Variants in IQSEC1 observed in about 807,000 individuals in gnomAD.
IQSEC1 encodes IQ motif and SEC7 domain-containing protein 1.
IQSEC1 carries 31 observed loss-of-function variants against 91.0 expected under a neutral mutation model. That is an observed-to-expected ratio of 0.34 (90% confidence interval 0.26 to 0.46). The LOEUF (loss-of-function observed/expected upper bound fraction) is 0.46, where lower values mean the gene tolerates loss of function less well. Among genes scored for constraint, IQSEC1 ranks in the 20% least tolerant of loss-of-function variants. IQSEC1 has a pLI of 1.00. For missense variants in IQSEC1, 1,388 were observed against 1,575.6 expected (o/e 0.88, Z 2.02); for synonymous variants, 699 against 662.6 (o/e 1.05, Z -0.84).
At chr3:13,140,471 C>G (rs1157838284) in intron 2 of IQSEC1, among the ~76,000 whole-genome samples, 3 of 152,180 alleles carry the variant, frequency 2.0e-5, no homozygotes, top group Non-Finnish European at 4.4e-5. Flanking sequence ...ATAGGCCAGA[C>G]CATCCTTTCC....
chr3:12,919,707 T>C (rs1696434180), intron 6 of IQSEC1, among the ~76,000 whole-genome samples: 1 of 152,226 alleles, frequency 6.6e-6, no homozygotes, highest in African/African-American at 2.4e-5. Context: ...CCTCAGCTCT[T>C]GCAGCCAGGG....
Position 13,096,345 on chromosome 3 carries a change from G to A in IQSEC1, c.303-48823C>T, listed in dbSNP as rs553356487. Among the ~76,000 whole-genome samples, 10 of 152,388 alleles carry A rather than the reference G, an allele frequency of 6.6e-5. No homozygotes were observed. In the South Asian group the frequency reaches 1.9e-3, roughly 28 times the overall value. On this transcript the variant is annotated intron_variant, in intron 2 of 15. Coordinates refer to the IQSEC1 transcript ENST00000648114. ...TCTAAGTGATCTCAGGGCAGGGTCA[G>A]TGTTGTGAGAACCATCCATTCATTT... is the stretch of plus-strand genomic sequence containing the variant.
rs1456181824 is a variant in IQSEC1 at position 12,922,298 on chromosome 3, A to T, written c.1731-56T>A. 2 of 1,467,756 alleles carry T rather than the reference A, an allele frequency of 1.4e-6. No individual in the cohort carries two copies. Among genetic ancestry groups the T allele is most frequent in the Admixed American group, 4.2e-5 (2 of 47,482 alleles). The allele number at this position is 1,467,756 out of a possible 1,614,324, so 90.9% of individuals were successfully genotyped here. ...CACCCCTTGCAGGTGCGACACGCCC[A>T]GCCCACCCCCAGGTGGTGGTGCCTG... On this transcript the variant is annotated intron_variant, in intron 4 of 13. Transcript: ENST00000613206. This position sits in a 1 kb window ranked among gnomAD's most constrained non-coding sequence, Gnocchi z 5.1.
At chr3:13,219,496 G>A (rs537087783) in intron 1 of IQSEC1, among the ~76,000 whole-genome samples, 41 of 152,290 alleles carry the variant, frequency 2.7e-4, no homozygotes, top group Non-Finnish European at 3.8e-4. Flanking sequence ...CACCCCCGGC[G>A]GGAAGGCACA....
chr3:13,084,972 G>C (rs1026873947), intron 2 of IQSEC1, among the ~76,000 whole-genome samples: 1 of 151,872 alleles, frequency 6.6e-6, no homozygotes. Flanking sequence ...GGGGTGGGGT[G>C]GGGGGGCAAT....
At chr3:13,181,948 G>A (rs1693851294) in intron 1 of IQSEC1, among the ~76,000 whole-genome samples, 1 of 152,198 alleles carries the variant, frequency 6.6e-6, no homozygotes, top group African/African-American at 2.4e-5. Flanking sequence ...GTTCACTGCT[G>A]TGCCCCAGGA....
intron 1 of IQSEC1, among the ~76,000 whole-genome samples, chr3:13,023,734 G>T (rs1703498847): frequency 6.6e-6 from 1 of 152,214 alleles, no homozygotes. Flanking sequence ...AGCCAGGAAA[G>T]AACTTTTAAT....
At chr3:13,165,980 A>G (rs1200742277) in intron 1 of IQSEC1, among the ~76,000 whole-genome samples, 2 of 152,144 alleles carry the variant, frequency 1.3e-5, no homozygotes, top group African/African-American at 4.8e-5. Flanking sequence ...TATGTGTGTA[A>G]GTTCCCTAAT....
chr3:12,976,471 C>G (rs1033812794), intron 1 of IQSEC1, among the ~76,000 whole-genome samples: 8 of 152,238 alleles, frequency 5.3e-5, no homozygotes, highest in African/African-American at 1.9e-4. Flanking sequence ...GAGCCTGGGA[C>G]CAGAGCAGAA....
At chr3:13,121,207 G>A (rs61272028) in intron 2 of IQSEC1, among the ~76,000 whole-genome samples, 9,843 of 152,272 alleles carry the variant, frequency 0.065, 923 homozygotes, top group African/African-American at 0.21. Context: ...CTGAGTCATC[G>A]TCAGAGCTGA....
At position 13,059,880 on chromosome 3, in the gene IQSEC1, C is replaced by T. The variant is rs141363900; in HGVS notation, c.23+13112G>A. ...GACTTTGGAGCAGCGGTGAACTCGACAGGCATGGCCTGCCCTCAGAGGCCA... is the reference window on the plus strand; with the variant it reads ...GACTTTGGAGCAGCGGTGAACTCGATAGGCATGGCCTGCCCTCAGAGGCCA... On this transcript the variant is annotated intron_variant, in intron 1 of 13. Transcript: ENST00000613206. 1.6e-3 allele frequency among the ~76,000 whole-genome samples: 248 copies of T among 152,362 alleles called. 1 individual carries two copies. The highest frequency in any genetic ancestry group is 2.8e-3 in the Non-Finnish European group (190 of 68,030).
At chr3:13,181,140 G>A (rs1236303242) in intron 1 of IQSEC1, among the ~76,000 whole-genome samples, 3 of 152,260 alleles carry the variant, frequency 2.0e-5, no homozygotes, top group East Asian at 1.9e-4. Context: ...GCGTGGTGGC[G>A]GGCGCCTGTA....
intron 1 of IQSEC1, among the ~76,000 whole-genome samples, chr3:13,206,738 G>A (rs2125057303): frequency 6.6e-6 from 1 of 152,290 alleles, no homozygotes; most frequent in South Asian, 2.1e-4. Flanking sequence ...GATGGTGAGG[G>A]CACATGGGGA....
At chr3:13,210,024 T>G (rs1694414724) in intron 1 of IQSEC1, among the ~76,000 whole-genome samples, 1 of 152,176 alleles carries the variant, frequency 6.6e-6, no homozygotes, top group African/African-American at 2.4e-5. Flanking sequence ...GCTCACTGTG[T>G]GACCTTGAGC....
intron 1 of IQSEC1, among the ~76,000 whole-genome samples, chr3:13,019,417 C>A (rs930890073): frequency 2.6e-5 from 4 of 152,242 alleles, no homozygotes; most frequent in African/African-American, 7.2e-5. Context: ...TCTGAAGACG[C>A]AAGTGGAAAA....
Position 12,908,794 on chromosome 3 carries a change from G to C in IQSEC1, c.2579-269C>G, listed in dbSNP as rs1695271638. Among the ~76,000 whole-genome samples the C allele has an allele frequency of 6.6e-6, 1 of 152,122 alleles. No homozygotes were observed. Among genetic ancestry groups the C allele is most frequent in the Admixed American group, 6.5e-5 (1 of 15,276 alleles). On this transcript the variant is annotated intron_variant, in intron 11 of 13. Coordinates refer to ENST00000613206, the MANE Select transcript of IQSEC1 (RefSeq NM_001134382.3). This position sits in a 1 kb window ranked among gnomAD's most constrained non-coding sequence, Gnocchi z 4.9. ...GCTCGGGAGTGGACAGGGAGGCACAGACTTGCCTGGGTCTGAGAGATGAGC... is the reference window on the plus strand; with the variant it reads ...GCTCGGGAGTGGACAGGGAGGCACACACTTGCCTGGGTCTGAGAGATGAGC...
At chr3:13,262,914 A>C (rs914768689) in intron 1 of IQSEC1, among the ~76,000 whole-genome samples, 2 of 152,012 alleles carry the variant, frequency 1.3e-5, no homozygotes, top group Non-Finnish European at 2.9e-5. Flanking sequence ...TGAATGTTTA[A>C]CAGGGGCAGA....
At chr3:13,015,736 G>C in intron 1 of IQSEC1, 4 of 985,420 alleles carry the variant, frequency 4.1e-6, no homozygotes, top group Non-Finnish European at 4.8e-6. Flanking sequence ...ACCCAGGGGA[G>C]AGGGTGCCAG....
intron 1 of IQSEC1, among the ~76,000 whole-genome samples, chr3:13,041,943 T>A (rs1298686811): frequency 6.6e-6 from 1 of 152,120 alleles, no homozygotes; most frequent in African/African-American, 2.4e-5. Context: ...TCGGAGCAAG[T>A]GTACCGGGAA....
Sources: allele counts gnomAD v4.1 joint callset (sites outside exome capture counted in the v4.1 genomes callset), GRCh38; gene constraint gnomAD v4.1.1; non-coding constraint Gnocchi (gnomAD v3.1); transcripts MANE v1.5; gene names NCBI Gene and HGNC (gene_info 2026-07-23, HGNC 2026-07-21).